CACNA2D2: variants seen among roughly 807,000 people sequenced by gnomAD.
CACNA2D2 encodes calcium voltage-gated channel auxiliary subunit alpha2delta 2.
CACNA2D2 carries 48 observed loss-of-function variants against 166.4 expected under a neutral mutation model. The observed-to-expected ratio is 0.29, with a 90% CI of 0.23 to 0.37. The LOEUF (loss-of-function observed/expected upper bound fraction) is 0.37, where lower values mean the gene tolerates loss of function less well. Ranked by LOEUF, CACNA2D2 falls within the 10% of genes least tolerant of loss-of-function variation. CACNA2D2 has a pLI of 1.00. For missense variants in CACNA2D2, 1,122 were observed against 1,433.0 expected (o/e 0.78, Z 3.50); for synonymous variants, 561 against 573.7 (o/e 0.98, Z 0.32).
intron 3 of CACNA2D2, among the ~76,000 whole-genome samples, chr3:50,399,412 G>A (rs1706328524): frequency 6.6e-6 from 1 of 152,220 alleles, no homozygotes; most frequent in Non-Finnish European, 1.5e-5. Flanking sequence ...CCCATGGGGT[G>A]CAGGATGTTG....
chr3:50,387,927 C>T (rs1015283998), intron 4 of CACNA2D2, among the ~76,000 whole-genome samples: 20 of 152,210 alleles, frequency 1.3e-4, no homozygotes, highest in African/African-American at 4.6e-4. Context: ...GAGAGGCTGG[C>T]TGAGGCAGCA....
At chr3:50,454,725 G>A (rs2157328) in intron 2 of CACNA2D2, among the ~76,000 whole-genome samples, 14,754 of 152,048 alleles carry the variant, frequency 0.097, 2,091 homozygotes, top group African/African-American at 0.31. Flanking sequence ...GATTGGAAAA[G>A]AGCCTGTTAG....
At chr3:50,445,644 T>C (rs1708809924) in intron 2 of CACNA2D2, among the ~76,000 whole-genome samples, 2 of 152,204 alleles carry the variant, frequency 1.3e-5, no homozygotes, top group Non-Finnish European at 2.9e-5. Flanking sequence ...ACTGAAGATA[T>C]GCTGAGGACA....
rs1707870355 is a variant in CACNA2D2 at position 50,427,764 on chromosome 3, T to C, written c.405+6549A>G. ...AACCCAGAGCCACAGCGCTGGCAAC[T>C]GTTCTACAAATGTTCACCAGTTTGC... On this transcript the variant is annotated intron_variant, in intron 3 of 37. Coordinates refer to ENST00000424201, the MANE Select transcript of CACNA2D2 (RefSeq NM_006030.4). The surrounding 1 kb of genome is among the most constrained non-coding windows in gnomAD (Gnocchi z 4.7). Among the ~76,000 whole-genome samples, 1 of 152,190 alleles carries C rather than the reference T, an allele frequency of 6.6e-6. No individual in the cohort carries two copies. The highest frequency in any genetic ancestry group is 2.1e-4 in the South Asian group (1 of 4,828).
intron 1 of CACNA2D2, among the ~76,000 whole-genome samples, chr3:50,494,668 T>C (rs1218210208): frequency 6.6e-6 from 1 of 152,098 alleles, no homozygotes; most frequent in African/African-American, 2.4e-5. Context: ...ATAGATTTTA[T>C]TTATTTATTA....
intron 2 of CACNA2D2, among the ~76,000 whole-genome samples, chr3:50,455,068 A>G (rs906308296): frequency 2.6e-5 from 4 of 152,246 alleles, no homozygotes; most frequent in Non-Finnish European, 5.9e-5. Context: ...AGTGAGGCTG[A>G]TTCCACTCCA....
intron 1 of CACNA2D2, among the ~76,000 whole-genome samples, chr3:50,482,784 G>T (rs188857172): frequency 3.9e-4 from 59 of 152,328 alleles, no homozygotes; most frequent in African/African-American, 1.3e-3. Context: ...TGTCCAAGGA[G>T]CCCTGGGGAA....
rs1708201542 is a variant in CACNA2D2, at chr3:50,434,191, T to A, written c.405+122A>T. On this transcript the variant is annotated intron_variant, in intron 3 of 37. Transcript: ENST00000424201. The stretch of plus-strand genomic sequence containing the variant: ...CACGTGGGCACAGCCCTGCTGATGT[T>A]GGCCCAGCTGAACTCAGGAGGGCCA... The A allele has an allele frequency of 4.2e-6, 3 of 707,568 alleles. No individual in the cohort carries two copies. The Admixed American group carries it at 6.3e-5, about 15-fold the overall frequency. The allele number at this position is 707,568 out of a possible 1,614,324, so 43.8% of individuals were successfully genotyped here.
intron 1 of CACNA2D2, among the ~76,000 whole-genome samples, chr3:50,479,939 G>A (rs947304068): frequency 6.6e-6 from 1 of 152,206 alleles, no homozygotes; most frequent in Non-Finnish European, 1.5e-5. Context: ...GCTTCTAAGT[G>A]CCAAACTAAC....
intron 21 of CACNA2D2, 88 bp from the exon 22 acceptor site, chr3:50,374,901 C>G: frequency 9.4e-7 from 1 of 1,068,576 alleles, no homozygotes; most frequent in Non-Finnish European, 1.4e-6. Flanking sequence ...GGGCAGAGGC[C>G]CCAGCTGCAG....
At chr3:50,465,122 G>A (rs1709772408) in intron 2 of CACNA2D2, among the ~76,000 whole-genome samples, 1 of 152,356 alleles carries the variant, frequency 6.6e-6, no homozygotes, top group African/African-American at 2.4e-5. Flanking sequence ...TCCAGCAGGC[G>A]GCATGCTGTA....
chr3:50,378,692 G>C (rs1705120840), intron 13 of CACNA2D2, among the ~76,000 whole-genome samples: 2 of 152,242 alleles, frequency 1.3e-5, no homozygotes, highest in Admixed American at 1.3e-4. Context: ...GACAAGCTGG[G>C]GGACGGTTGG....
intron 2 of CACNA2D2, among the ~76,000 whole-genome samples, chr3:50,456,625 C>T (rs1014604247): frequency 1.3e-5 from 2 of 152,148 alleles, no homozygotes; most frequent in Non-Finnish European, 2.9e-5. Context: ...ACCCTGCTGC[C>T]CTCCCAGGCC....
At chr3:50,480,216 T>C (rs1697986416) in intron 1 of CACNA2D2, among the ~76,000 whole-genome samples, 1 of 152,222 alleles carries the variant, frequency 6.6e-6, no homozygotes, top group African/African-American at 2.4e-5. Flanking sequence ...CAGGACATTG[T>C]AGCCTTTGGG....
At chr3:50,393,994 C>T in intron 4 of CACNA2D2, 115 bp downstream of exon 4, 2 of 882,932 alleles carry the variant, frequency 2.3e-6, no homozygotes, top group South Asian at 1.5e-5. Context: ...TCTGGCTCTA[C>T]TCCACAGACC....
At chr3:50,480,879 C>G (rs59994803) in intron 1 of CACNA2D2, among the ~76,000 whole-genome samples, 1 of 516 alleles carries the variant, frequency 1.9e-3, no homozygotes, top group Non-Finnish European at 3.5e-3. Flanking sequence ...CAGGGAGGAA[C>G]GGGAGGAAAG....
chr3:50,365,428 T>G lies in CACNA2D2; in HGVS notation c.3026A>C (p.Lys1009Thr). ...CGAGCCGAAGTAGTACTGGGTCTGT[T>G]TCATGACGCAGCTGCTCTCGCGCGT... Reference protein sequence around the residue: ...PETRESSCVMKQTQYYFGSVN... With the variant: ...PETRESSCVMTQTQYYFGSVN... The change falls in exon 35 of 38, where the codon AAA becomes ACA. Residue 1009 changes from lysine to threonine, a missense_variant. By Grantham distance (78) the Lys-to-Thr change is moderately conservative (BLOSUM62 -1). This residue lies in a region of CACNA2D2 where 282 missense variants were observed against 266.2 expected (regional missense o/e 1.06). Transcript: ENST00000424201. The surrounding 1 kb of genome is among the most constrained non-coding windows in gnomAD (Gnocchi z 4.5). 6.2e-7 allele frequency: 1 copy of G among 1,613,620 alleles called. No individual in the cohort carries two copies. The highest frequency in any genetic ancestry group is 8.5e-7 in the Non-Finnish European group (1 of 1,179,866).
At chr3:50,457,086 C>A (rs1393889837) in intron 2 of CACNA2D2, among the ~76,000 whole-genome samples, 1 of 152,132 alleles carries the variant, frequency 6.6e-6, no homozygotes, top group African/African-American at 2.4e-5. Flanking sequence ...CCTGTCTCTA[C>A]TAAAAATACA....
chr3:50,496,361 G>A (rs1319664858), intron 1 of CACNA2D2, among the ~76,000 whole-genome samples: 2 of 152,204 alleles, frequency 1.3e-5, no homozygotes, highest in Non-Finnish European at 2.9e-5. Context: ...GTGGGTATAC[G>A]CACAAGCATG....
Sources: gnomAD v4.1 joint callset for allele counts (sites outside exome capture counted in the v4.1 genomes callset) on GRCh38, gnomAD v4.1.1 for gene constraint, gnomAD v4.1.1 regional missense constraint, Gnocchi (gnomAD v3.1) non-coding constraint, MANE v1.5 for transcripts, NCBI Gene and HGNC (gene_info 2026-07-23, HGNC 2026-07-21) for gene names.